Variants in NCAPD3 observed in about 807,000 individuals in gnomAD.
The protein encoded by NCAPD3 is non-SMC condensin II complex subunit D3, also known as condensin-2 complex subunit D3.
In NCAPD3, 105 loss-of-function variants were observed where a neutral mutation model predicts 182.9. The observed-to-expected ratio is 0.57, with a 90% CI of 0.49 to 0.68. The LOEUF (loss-of-function observed/expected upper bound fraction) is 0.68. NCAPD3 is among the 30% of genes least tolerant of loss of function. The pLI, the probability that NCAPD3 is intolerant of heterozygous loss-of-function variation, is 0.00. For synonymous variants in NCAPD3, 815 were observed against 679.9 expected, an observed-to-expected ratio of 1.20 and a Z score of -3.09; for missense variants, 1,944 against 1,837.0, an observed-to-expected ratio of 1.06 and a Z score of -1.07.
chr11:134,164,303 A>G (rs1943691355), intron 27 of NCAPD3, among the ~76,000 whole-genome samples: 1 of 152,240 alleles, frequency 6.6e-6, no homozygotes, highest in Non-Finnish European at 1.5e-5. Flanking sequence ...GATGAAGAGC[A>G]GAAAGAAGAG....
intron 29 of NCAPD3, 108 bp from the exon 30 acceptor site, chr11:134,158,603 T>G: frequency 8.5e-7 from 1 of 1,181,202 alleles, no homozygotes; most frequent in Non-Finnish European, 1.2e-6. Context: ...TTTTGATACA[T>G]GTGGACAACG....
intron 13 of NCAPD3, among the ~76,000 whole-genome samples, chr11:134,197,875 A>C (rs2136003385): frequency 6.6e-6 from 1 of 152,356 alleles, no homozygotes; most frequent in Non-Finnish European, 1.5e-5. Context: ...AATGGAAGGA[A>C]ACTTCCTCAT....
At position 134,158,691 on chromosome 11, in the gene NCAPD3, ATTC is replaced by A. The variant is rs577127156; in HGVS notation, c.3868-199_3868-197del. On this transcript the variant is annotated intron_variant, in intron 29 of 34. Coordinates refer to ENST00000534548, the MANE Select transcript of NCAPD3 (RefSeq NM_015261.3). ...TTTTCTTTGTGTTGGGAACATTCCAATTCTTCTATGTACTTTGAAATATACAGT... is the reference window on the plus strand; with the variant it reads ...TTTTCTTTGTGTTGGGAACATTCCAATTCTATGTACTTTGAAATATACAGT... Among the ~76,000 whole-genome samples, 639 of 152,282 alleles carry A rather than the reference ATTC, an allele frequency of 4.2e-3. 4 individuals are homozygous for A. The highest frequency in any genetic ancestry group is 0.015 in the African/African-American group (609 of 41,546).
intron 13 of NCAPD3, among the ~76,000 whole-genome samples, chr11:134,200,207 G>A (rs572131287): frequency 2.6e-5 from 4 of 152,274 alleles, no homozygotes; most frequent in African/African-American, 9.6e-5. Context: ...TCTTAGCTAT[G>A]TGATACCAAA....
chr11:134,166,604 G>C, intron 27 of NCAPD3, among the ~76,000 whole-genome samples: 1 of 34,828 alleles, frequency 2.9e-5, no homozygotes, highest in East Asian at 1.0e-3. Context: ...TCACTAGTGA[G>C]ATGAGCTTGG....
chr11:134,176,233 A>C (rs1944160695), intron 24 of NCAPD3, 74 bp downstream of exon 24: 6 of 1,310,662 alleles, frequency 4.6e-6, no homozygotes, highest in Non-Finnish European at 6.4e-6. Context: ...AACCAATCTG[A>C]AAAAAAAAGA....
chr11:134,165,806 C>A (rs1034598111), intron 27 of NCAPD3, among the ~76,000 whole-genome samples: 1 of 144,678 alleles, frequency 6.9e-6, no homozygotes, highest in African/African-American at 2.6e-5. Context: ...GAGATGCACA[C>A]TCACTTGTGA....
At chr11:134,198,928 T>C (rs1188765849) in intron 13 of NCAPD3, among the ~76,000 whole-genome samples, 4 of 152,138 alleles carry the variant, frequency 2.6e-5, no homozygotes, top group African/African-American at 4.8e-5. Context: ...AAAACATCAC[T>C]GATACAAATT....
intron 23 of NCAPD3, 100 bp downstream of exon 23, chr11:134,177,119 T>G (rs1944187384): frequency 1.1e-5 from 10 of 914,878 alleles, no homozygotes; most frequent in Non-Finnish European, 1.6e-5. Flanking sequence ...TATTTTTGGA[T>G]TCTACTACAA....
At chr11:134,180,962 C>T (rs1335468888) in intron 20 of NCAPD3, 115 bp downstream of exon 20, 2 of 700,902 alleles carry the variant, frequency 2.9e-6, no homozygotes, top group South Asian at 2.0e-5. Flanking sequence ...AAGCTCTAGG[C>T]TAAGACAGCT....
chr11:134,220,941 T>C (rs1039938200), intron 1 of NCAPD3, among the ~76,000 whole-genome samples: 13 of 152,222 alleles, frequency 8.5e-5, no homozygotes, highest in African/African-American at 3.1e-4. Context: ...AAGCTAATCA[T>C]CTTCTAAAAA....
Position 134,204,956 on chromosome 11 carries a change from T to C in NCAPD3, c.1032A>G (p.Glu344=), listed in dbSNP as rs763425449. 3.7e-6 allele frequency: 6 copies of C among 1,613,686 alleles called. No homozygotes were observed. The highest frequency in any genetic ancestry group is 5.1e-6 in the Non-Finnish European group (6 of 1,179,648). ...AVQFISALVD[E]LKESIFPVVR... The stretch of plus-strand genomic sequence containing the variant: ...CGACTGGGAATATACTCTCCTTTAA[T>C]TCATCCACAAGGGCGCTTTGTAAAA... Residue 344 remains glutamate (E), a synonymous_variant, in exon 9 of 35, where the codon GAA becomes GAG. Transcript: ENST00000534548. The surrounding 1 kb of genome is among the most constrained non-coding windows in gnomAD (Gnocchi z 4.3).
intron 13 of NCAPD3, among the ~76,000 whole-genome samples, chr11:134,201,850 C>A (rs537227301): frequency 1.3e-5 from 2 of 152,206 alleles, no homozygotes; most frequent in African/African-American, 2.4e-5. Flanking sequence ...ATGTAGTTAT[C>A]GCTCTGAATT....
intron 10 of NCAPD3, 55 bp downstream of exon 10, chr11:134,203,991 C>T (rs1284734961): frequency 1.3e-5 from 20 of 1,598,636 alleles, no homozygotes; most frequent in Non-Finnish European, 1.5e-5. Context: ...AAAAAGAGAC[C>T]CTTTTAAAAA....
chr11:134,160,075 C>T lies in NCAPD3; in HGVS notation c.3685-1G>A. 3 of 1,613,674 alleles carry T rather than the reference C, an allele frequency of 1.9e-6. No homozygotes were observed. Among genetic ancestry groups the T allele is most frequent in the Non-Finnish European group, 2.5e-6 (3 of 1,179,798 alleles). ...CATCTCGGTAATCCTGCATCACCTC[C>T]TGAAACAGAGCCAGGAGCATCCTTT... On this transcript the variant is annotated splice_acceptor_variant, in intron 28 of 34. Coordinates refer to ENST00000534548, the MANE Select transcript of NCAPD3 (RefSeq NM_015261.3). LOFTEE classifies it high-confidence loss of function.
chr11:134,209,367 A>T lies in NCAPD3; in HGVS notation c.678T>A (p.Leu226=), dbSNP rs746998088. ...IFHLLKNFLR[L]LPKFSLKEKP... is the part of the protein sequence containing the mutation. ...TTTCTTTCAAGGAAAACTTTGGCAG[A>T]AGCCTTAAAAAATTCTTTAAAAGGT... The change falls in exon 5 of 35, where the codon CTT becomes CTA. Residue 226 remains leucine, a synonymous_variant. Coordinates refer to ENST00000534548, the MANE Select transcript of NCAPD3 (RefSeq NM_015261.3). The T allele has an allele frequency of 6.2e-7, 1 of 1,614,156 alleles. No individual in the cohort carries two copies. The highest frequency in any genetic ancestry group is 8.5e-7 in the Non-Finnish European group (1 of 1,180,012).
chr11:134,188,126 T>C (rs1944449044), intron 16 of NCAPD3, among the ~76,000 whole-genome samples: 1 of 152,188 alleles, frequency 6.6e-6, no homozygotes, highest in Admixed American at 6.5e-5. Context: ...CAATCAGCAC[T>C]CTGTGTCTAG....
rs1943220921 is a variant in NCAPD3, at chr11:134,151,189, G to C, written c.*1755C>G. The C allele has an allele frequency of 6.6e-6, 1 of 152,230 alleles. No homozygotes were observed. The highest frequency in any genetic ancestry group is 2.4e-5 in the African/African-American group (1 of 41,456). 9.4% of individuals were successfully genotyped at this position (152,230 alleles called of 1,614,324 possible). On this transcript the variant is annotated 3_prime_UTR_variant, in exon 35 of 35. Transcript: ENST00000534548. ...GTCTTGGGTTTTTTATACTTTGACA[G>C]CTTTTTTTTAATTGCATACATGAGA...
intron 2 of NCAPD3, among the ~76,000 whole-genome samples, chr11:134,218,835 C>A (rs1938122407): frequency 6.6e-6 from 1 of 152,180 alleles, no homozygotes; most frequent in African/African-American, 2.4e-5. Flanking sequence ...AATACAGTCT[C>A]CCAAGGGCTC....
Sources: gnomAD v4.1 joint callset for allele counts (sites outside exome capture counted in the v4.1 genomes callset) on GRCh38, gnomAD v4.1.1 for gene constraint, Gnocchi (gnomAD v3.1) non-coding constraint, MANE v1.5 for transcripts, NCBI Gene and HGNC (gene_info 2026-07-23, HGNC 2026-07-21) for gene names.